Variants in UBE2O observed in about 807,000 individuals in gnomAD.
The protein encoded by UBE2O is ubiquitin conjugating enzyme E2 O, also known as (E3-independent) E2 ubiquitin-conjugating enzyme.
UBE2O carries 15 observed loss-of-function variants against 125.8 expected under a neutral mutation model. The ratio of observed to expected loss-of-function variants is 0.12; its 90% CI spans 0.08 to 0.18. The LOEUF (loss-of-function observed/expected upper bound fraction) is 0.18. UBE2O is among the 10% of genes least tolerant of loss of function. UBE2O has a pLI of 1.00. For synonymous variants in UBE2O, 708 were observed against 703.2 expected (o/e 1.01, Z -0.11); for missense variants, 1,280 against 1,723.6 (o/e 0.74, Z 4.56).
intron 1 of UBE2O, among the ~76,000 whole-genome samples, chr17:76,413,769 C>G (rs547633252): frequency 1.3e-5 from 2 of 152,212 alleles, no homozygotes; most frequent in Admixed American, 1.3e-4. Flanking sequence ...AACATGCAAA[C>G]CAACACAAAA....
At chr17:76,433,791 GT>G in intron 1 of UBE2O, among the ~76,000 whole-genome samples, 1 of 152,166 alleles carries the variant, frequency 6.6e-6, no homozygotes, top group East Asian at 1.9e-4. Flanking sequence ...GGAGGCCAAG[GT>G]AGGAGGATCG....
At position 76,405,178 on chromosome 17, in the gene UBE2O, G is replaced by C; in HGVS notation, c.588+28C>G. Reference sequence around the variant, plus strand: ...CCGAGAGAACCAGAGGGCCCAGAAAGGATGATGAGAAGACAGGGCCGGCTC... The same window carrying C: ...CCGAGAGAACCAGAGGGCCCAGAAACGATGATGAGAAGACAGGGCCGGCTC... On this transcript the variant is annotated intron_variant, in intron 3 of 17. Transcript: ENST00000319380. The surrounding 1 kb of genome is among the most constrained non-coding windows in gnomAD (Gnocchi z 6.1). The C allele has an allele frequency of 1.3e-6, 2 of 1,543,910 alleles. No homozygotes were observed. Among genetic ancestry groups the C allele is most frequent in the Non-Finnish European group, 1.8e-6 (2 of 1,125,028 alleles).
intron 13 of UBE2O, among the ~76,000 whole-genome samples, chr17:76,397,328 G>A (rs942158818): frequency 9.2e-5 from 14 of 152,248 alleles, no homozygotes; most frequent in African/African-American, 2.4e-5. Context: ...GACCAGGAGA[G>A]GAGAGCTGGG....
At chr17:76,447,562 T>C (rs1434713467) in intron 1 of UBE2O, among the ~76,000 whole-genome samples, 1 of 152,186 alleles carries the variant, frequency 6.6e-6, no homozygotes, top group Non-Finnish European at 1.5e-5. Flanking sequence ...GAAACATACA[T>C]ACATACATAC....
In UBE2O at chr17:76,402,930, G is replaced by A. The variant is rs2072353720; in HGVS notation, c.589-231C>T. 6.6e-6 allele frequency among the ~76,000 whole-genome samples: 1 copy of A among 152,120 alleles called. No homozygotes were observed. The highest frequency in any genetic ancestry group is 2.4e-5 in the African/African-American group (1 of 41,392). Reference sequence around the variant, plus strand: ...GAGGAGGAAGTGGTGGTGGTGGTGGGGCTGCCTGGAGGGAACGGGGTGGGT... The same window carrying A: ...GAGGAGGAAGTGGTGGTGGTGGTGGAGCTGCCTGGAGGGAACGGGGTGGGT... On this transcript the variant is annotated intron_variant, in intron 3 of 17. Transcript: ENST00000319380. This position sits in a 1 kb window ranked among gnomAD's most constrained non-coding sequence, Gnocchi z 5.4.
At position 76,395,624 on chromosome 17, in the gene UBE2O, G is replaced by A. The variant is rs2072194140; in HGVS notation, c.2946+101C>T. 7.0e-7 allele frequency: 1 copy of A among 1,435,112 alleles called. No homozygotes were observed. 88.9% of individuals were successfully genotyped at this position (1,435,112 alleles called of 1,614,324 possible). On this transcript the variant is annotated intron_variant, in intron 15 of 17. Coordinates refer to ENST00000319380, the MANE Select transcript of UBE2O (RefSeq NM_022066.4). The surrounding 1 kb of genome is among the most constrained non-coding windows in gnomAD (Gnocchi z 5.0). ...TGGGTGGGTGAGTGTCCTCGCAGGT[G>A]CCAGTCAGCCCCGGAGGTTTGGGGA...
chr17:76,445,512 T>C (rs889046376), intron 1 of UBE2O, among the ~76,000 whole-genome samples: 5 of 152,196 alleles, frequency 3.3e-5, no homozygotes, highest in Admixed American at 6.5e-5. Flanking sequence ...GTATGTCAAC[T>C]GACTGCAATG....
intron 1 of UBE2O, among the ~76,000 whole-genome samples, chr17:76,449,514 G>T (rs1437075318): frequency 1.3e-5 from 2 of 152,228 alleles, no homozygotes; most frequent in South Asian, 2.1e-4. Context: ...AGTTGAGGTT[G>T]TAATGAGCTG....
chr17:76,391,170 G>C lies in UBE2O; in HGVS notation c.3652C>G (p.Gln1218Glu), dbSNP rs2072105560. 2 of 1,613,570 alleles carry C rather than the reference G, an allele frequency of 1.2e-6. No individual in the cohort carries two copies. Among genetic ancestry groups the C allele is most frequent in the Non-Finnish European group, 8.5e-7 (1 of 1,179,702 alleles). Residue 1218 changes from glutamine (Q) to glutamate (E), a missense_variant, in exon 18 of 18, where the codon CAG becomes GAG. By Grantham distance (29) the Gln-to-Glu change is conservative (BLOSUM62 2). Around this residue, in one of 10 missense-constraint regions of UBE2O, gnomAD observed 233 missense variants for 279.0 expected, o/e 0.84. Transcript: ENST00000319380. The surrounding 1 kb of genome is among the most constrained non-coding windows in gnomAD (Gnocchi z 8.4). ...LASASRDHTDQTSETAPDASV... is the reference protein window; with the variant it reads ...LASASRDHTDETSETAPDASV... ...GCGTCTGGTGCGGTCTCCGAAGTCT[G>C]GTCTGTGTGGTCCCTGCTAGCTGAG...
Position 76,405,163 on chromosome 17 carries a change from C to G in UBE2O, c.588+43G>C. The stretch of plus-strand genomic sequence containing the variant: ...CCAGAGGTCGTGCCGCCGAGAGAAC[C>G]AGAGGGCCCAGAAAGGATGATGAGA... On this transcript the variant is annotated intron_variant, in intron 3 of 17. Coordinates refer to ENST00000319380, the MANE Select transcript of UBE2O (RefSeq NM_022066.4). This position sits in a 1 kb window ranked among gnomAD's most constrained non-coding sequence, Gnocchi z 6.1. 1 of 1,470,428 alleles carries G rather than the reference C, an allele frequency of 6.8e-7. No individual in the cohort carries two copies. Among genetic ancestry groups the G allele is most frequent in the Non-Finnish European group, 9.4e-7 (1 of 1,067,190 alleles). The allele number at this position is 1,470,428 out of a possible 1,614,324, so 91.1% of individuals were successfully genotyped here. A position where few individuals can be genotyped will look rare whatever the true frequency, so the allele number is the denominator to read the frequency against.
In UBE2O at chr17:76,453,064, C is replaced by G; in HGVS notation, c.78G>C (p.Pro26=). The stretch of plus-strand genomic sequence containing the variant: ...CCGGGACGGGGGCTGCGGCTGGGGC[C>G]GGGACTGCCTCCGGGGCTGGAGCCG... ...QAPAPAPEAV[P]APAAAPVPAP... Residue 26 remains proline (P), a synonymous_variant, in exon 1 of 18, where the codon CCG becomes CCC. Coordinates refer to ENST00000319380, the MANE Select transcript of UBE2O (RefSeq NM_022066.4). The G allele has an allele frequency of 7.6e-7, 1 of 1,307,908 alleles. No homozygotes were observed. The highest frequency in any genetic ancestry group is 1.0e-6 in the Non-Finnish European group (1 of 1,004,790). The allele number at this position is 1,307,908 out of a possible 1,614,324, so 81.0% of individuals were successfully genotyped here.
At chr17:76,401,225 T>C in intron 5 of UBE2O, 71 bp from the exon 6 acceptor site, 1 of 1,553,704 alleles carries the variant, frequency 6.4e-7, no homozygotes. Context: ...TCTCCACGCC[T>C]GTGCCCGCTG....
rs1341220852 is a variant in UBE2O at position 76,395,664 on chromosome 17, C to A, written c.2946+61G>T. The A allele has an allele frequency of 3.9e-6, 6 of 1,551,004 alleles. No homozygotes were observed. The highest frequency in any genetic ancestry group is 1.4e-5 in the African/African-American group (1 of 72,250). On this transcript the variant is annotated intron_variant, in intron 15 of 17. Transcript: ENST00000319380. The surrounding 1 kb of genome is among the most constrained non-coding windows in gnomAD (Gnocchi z 5.0). ...AGGTTTGGGGACCCAAGGTTGGTGGCCTCTTGGGCACTGGGTGCCCACACA... is the reference window on the plus strand; with the variant it reads ...AGGTTTGGGGACCCAAGGTTGGTGGACTCTTGGGCACTGGGTGCCCACACA...
intron 1 of UBE2O, among the ~76,000 whole-genome samples, chr17:76,408,859 A>G (rs1305037343): frequency 1.3e-5 from 2 of 152,244 alleles, no homozygotes; most frequent in African/African-American, 4.8e-5. Context: ...GTTTAAAAAA[A>G]AATTGTTACT....
chr17:76,412,683 C>T lies in UBE2O; in HGVS notation c.418-7111G>A, dbSNP rs550343367. 1.6e-3 allele frequency among the ~76,000 whole-genome samples: 245 copies of T among 152,234 alleles called. 1 individual carries two copies. The highest frequency in any genetic ancestry group is 1.7e-3 in the South Asian group (8 of 4,822). On this transcript the variant is annotated intron_variant, in intron 1 of 17. Transcript: ENST00000319380. ...CCACTATAGTTCAAGACAGGGGTCACGTGTGTTAGTGCATATATATTTTTC... is the reference window on the plus strand; with the variant it reads ...CCACTATAGTTCAAGACAGGGGTCATGTGTGTTAGTGCATATATATTTTTC...
At chr17:76,427,370 TTCTG>T (rs1373395408) in intron 1 of UBE2O, among the ~76,000 whole-genome samples, 2 of 152,262 alleles carry the variant, frequency 1.3e-5, no homozygotes, top group East Asian at 1.9e-4. Flanking sequence ...TTAAGATGTA[TTCTG>T]TCTTATTCTT....
chr17:76,449,835 G>T (rs900758461), intron 1 of UBE2O, among the ~76,000 whole-genome samples: 1 of 151,780 alleles, frequency 6.6e-6, no homozygotes, highest in Non-Finnish European at 1.5e-5. Context: ...TAGGAGAATC[G>T]CTTGAACCCG....
chr17:76,390,877 G>C lies in UBE2O; in HGVS notation c.*66C>G. 2 of 1,451,188 alleles carry C rather than the reference G, an allele frequency of 1.4e-6. No homozygotes were observed. The highest frequency in any genetic ancestry group is 4.1e-5 in the Admixed American group (2 of 49,108). The allele number at this position is 1,451,188 out of a possible 1,614,324, so 89.9% of individuals were successfully genotyped here. On this transcript the variant is annotated 3_prime_UTR_variant, in exon 18 of 18. Coordinates refer to ENST00000319380, the MANE Select transcript of UBE2O (RefSeq NM_022066.4). ...GGGGCATGGGAAGAGGGGTGATTCC[G>C]GGGGGGAGTGAGCAGGCGGCGGCTG...
At chr17:76,397,253 T>C (rs1206988901) in intron 13 of UBE2O, among the ~76,000 whole-genome samples, 1 of 152,194 alleles carries the variant, frequency 6.6e-6, no homozygotes, top group Non-Finnish European at 1.5e-5. Flanking sequence ...CCTGCTGCGT[T>C]CCCTGGAATG....
Sources: gnomAD v4.1 joint callset for allele counts (sites outside exome capture counted in the v4.1 genomes callset) on GRCh38, gnomAD v4.1.1 for gene constraint, gnomAD v4.1.1 regional missense constraint, Gnocchi (gnomAD v3.1) non-coding constraint, MANE v1.5 for transcripts, NCBI Gene and HGNC (gene_info 2026-07-23, HGNC 2026-07-21) for gene names.